The following WWP2 variants were observed in gnomAD, a reference collection of about 807,000 sequenced individuals.
WWP2 encodes WW domain containing E3 ubiquitin protein ligase 2, also known as NEDD4-like E3 ubiquitin-protein ligase WWP2.
Under a neutral mutation model 121.0 loss-of-function variants are expected in WWP2, and 57 were observed. That is an observed-to-expected ratio of 0.47 (90% CI 0.38 to 0.59). The LOEUF is 0.59. Ranked by LOEUF, WWP2 falls within the 20% of genes least tolerant of loss-of-function variation. WWP2 has a pLI of 0.00. For missense variants in WWP2, 962 were observed against 1,158.9 expected, an observed-to-expected ratio of 0.83 and a Z score of 2.47; for synonymous variants, 449 against 441.3, an observed-to-expected ratio of 1.02 and a Z score of -0.22.
intron 4 of WWP2, among the ~76,000 whole-genome samples, chr16:69,823,477 T>G (rs985210679): frequency 6.7e-5 from 10 of 150,242 alleles, no homozygotes; most frequent in Non-Finnish European, 1.5e-5. Context: ...TTTCTTGTGT[T>G]TTTTTTTTTT....
At chr16:69,863,563 T>TG (rs1449851582) in intron 6 of WWP2, among the ~76,000 whole-genome samples, 14 of 151,936 alleles carry the variant, frequency 9.2e-5, no homozygotes, top group South Asian at 4.2e-4. Context: ...TGCTTGAACC[T>TG]GGTGGGGGCA....
intron 1 of WWP2, among the ~76,000 whole-genome samples, chr16:69,772,452 A>T (rs2055437435): frequency 6.6e-6 from 1 of 152,124 alleles, no homozygotes; most frequent in African/African-American, 2.4e-5. Context: ...TTTGCCCTGG[A>T]AAGAATTCAA....
intron 6 of WWP2, among the ~76,000 whole-genome samples, chr16:69,860,005 G>C (rs1000799128): frequency 1.3e-5 from 2 of 151,862 alleles, no homozygotes; most frequent in Non-Finnish European, 1.5e-5. Context: ...AGAGTGAGAG[G>C]GATGTCATTT....
intron 8 of WWP2, among the ~76,000 whole-genome samples, chr16:69,903,565 G>A (rs761165636): frequency 1.3e-5 from 2 of 152,012 alleles, no homozygotes; most frequent in African/African-American, 4.8e-5. Context: ...TCAGAAGATC[G>A]AGACCATCCT....
At chr16:69,823,464 C>T (rs1029492936) in intron 4 of WWP2, among the ~76,000 whole-genome samples, 4 of 150,890 alleles carry the variant, frequency 2.7e-5, no homozygotes, top group Non-Finnish European at 5.9e-5. Context: ...TAAATTTTCT[C>T]TTTTTCTTGT....
At chr16:69,938,966 T>C in intron 21 of WWP2, 61 bp from the exon 22 acceptor site, 2 of 1,495,534 alleles carry the variant, frequency 1.3e-6, no homozygotes, top group East Asian at 4.9e-5. Flanking sequence ...GAGCTCCACG[T>C]TCGGGCAAAG....
At chr16:69,929,372 A>T in intron 11 of WWP2, 76 bp from the exon 12 acceptor site, 1 of 1,372,954 alleles carries the variant, frequency 7.3e-7, no homozygotes, top group Non-Finnish European at 1.0e-6. Context: ...AGCACCCAGG[A>T]GGTGGGAACC....
intron 4 of WWP2, among the ~76,000 whole-genome samples, chr16:69,819,129 G>A (rs1596995477): frequency 1.3e-5 from 2 of 152,102 alleles, no homozygotes; most frequent in African/African-American, 2.4e-5. Flanking sequence ...TCTGGGATCC[G>A]ACCATCTGTC....
intron 11 of WWP2, among the ~76,000 whole-genome samples, chr16:69,928,286 C>G (rs943500582): frequency 6.6e-6 from 1 of 152,150 alleles, no homozygotes; most frequent in Admixed American, 6.5e-5. Flanking sequence ...AGGAGAGAAG[C>G]AGATTTGAAG....
At chr16:69,773,169 C>CCGATACA (rs1469595046) in intron 1 of WWP2, among the ~76,000 whole-genome samples, 4 of 151,878 alleles carry the variant, frequency 2.6e-5, no homozygotes, top group African/African-American at 9.7e-5. Context: ...TCTGTTCCTA[C>CCGATACA]CGATACACGT....
Position 69,931,597 on chromosome 16 carries a change from C to T in WWP2, c.1593+17C>T, listed in dbSNP as rs746753136. 2.5e-5 allele frequency: 40 copies of T among 1,613,812 alleles called. No individual in the cohort carries two copies. Among genetic ancestry groups the T allele is most frequent in the African/African-American group, 4.0e-5 (3 of 74,854 alleles). On this transcript the variant is annotated intron_variant, in intron 15 of 23. Transcript: ENST00000359154. The stretch of plus-strand genomic sequence containing the variant: ...TTCCAACAGGTTAGATCATGGTGCC[C>T]GAAACCAGTGGCAGGCCGACGCCCT...
At chr16:69,846,048 T>C (rs1431670938) in intron 6 of WWP2, among the ~76,000 whole-genome samples, 3 of 1,726 alleles carry the variant, frequency 1.7e-3, no homozygotes, top group African/African-American at 6.6e-3. Flanking sequence ...AGACTCCATC[T>C]CAAAAAAAAA....
chr16:69,911,027 A>C (rs932836354), intron 9 of WWP2, among the ~76,000 whole-genome samples: 2 of 152,206 alleles, frequency 1.3e-5, no homozygotes, highest in African/African-American at 4.8e-5. Context: ...AGAGAACAGA[A>C]TGAATGCTTA....
chr16:69,931,317 T>C (rs2058708229), intron 14 of WWP2, 90 bp downstream of exon 14: 5 of 1,561,930 alleles, frequency 3.2e-6, no homozygotes, highest in Non-Finnish European at 2.6e-6. Flanking sequence ...TATCGGAATG[T>C]TTGTGTCTTA....
chr16:69,774,977 AAAAAAG>A (rs1467143084), intron 1 of WWP2: 3 of 152,662 alleles, frequency 2.0e-5, no homozygotes, highest in East Asian at 1.9e-4. Context: ...AAAAAAAAAA[AAAAAAG>A]AAAAGAAAAG....
At position 69,939,919 on chromosome 16, in the gene WWP2, C is replaced by A. The variant is rs376257136; in HGVS notation, c.2592C>A (p.Thr864=). 6 of 1,613,720 alleles carry A rather than the reference C, an allele frequency of 3.7e-6. No homozygotes were observed. Among genetic ancestry groups the A allele is most frequent in the Admixed American group, 1.7e-5 (1 of 59,954 alleles). The change falls in exon 24 of 24, where the codon ACC becomes ACA. Residue 864 remains threonine (T), a synonymous_variant. Transcript: ENST00000359154. ...AGCTGCTGTATGCCATTGAGGAGAC[C>A]GAGGGCTTTGGACAGGAGTAACCGA... ...REKLLYAIEE[T]EGFGQE
chr16:69,799,911 G>A lies in WWP2; in HGVS notation c.340+616G>A, dbSNP rs777346130. On this transcript the variant is annotated intron_variant, in intron 4 of 23. Transcript: ENST00000359154. This position sits in a 1 kb window ranked among gnomAD's most constrained non-coding sequence, Gnocchi z 4.5. Reference sequence around the variant, plus strand: ...TGTGGTCAGTGGCATGGCCCATGGCGGTGGTATTGGACCCTCCTTCATAAG... The same window carrying A: ...TGTGGTCAGTGGCATGGCCCATGGCAGTGGTATTGGACCCTCCTTCATAAG... Among the ~76,000 whole-genome samples, 3 of 152,122 alleles carry A rather than the reference G, an allele frequency of 2.0e-5. No homozygotes were observed. The highest frequency in any genetic ancestry group is 6.6e-5 in the Admixed American group (1 of 15,262).
At chr16:69,831,759 C>T (rs1326130180) in intron 4 of WWP2, among the ~76,000 whole-genome samples, 2 of 149,918 alleles carry the variant, frequency 1.3e-5, no homozygotes, top group Non-Finnish European at 3.0e-5. Context: ...TTGTCAAATT[C>T]TTGCAAGTTT....
In WWP2 at chr16:69,806,869, A is replaced by G. The variant is rs1239549160; in HGVS notation, c.340+7574A>G. Among the ~76,000 whole-genome samples the G allele has an allele frequency of 6.6e-5, 10 of 152,020 alleles. No homozygotes were observed. The East Asian group carries it at 1.7e-3, about 26-fold the overall frequency. On this transcript the variant is annotated intron_variant, in intron 4 of 23. Coordinates refer to ENST00000359154, the MANE Select transcript of WWP2 (RefSeq NM_001270454.2). Reference sequence around the variant, plus strand: ...CAACTTCTTGGATTTGTCAGATACCATATTTTGTAATATTAATTTCTGTCT... The same window carrying G: ...CAACTTCTTGGATTTGTCAGATACCGTATTTTGTAATATTAATTTCTGTCT...
Sources: gnomAD v4.1 joint callset for allele counts (sites outside exome capture counted in the v4.1 genomes callset) on GRCh38, gnomAD v4.1.1 for gene constraint, Gnocchi (gnomAD v3.1) non-coding constraint, MANE v1.5 for transcripts, NCBI Gene and HGNC (gene_info 2026-07-23, HGNC 2026-07-21) for gene names.